The following SMPD4 variants were observed in gnomAD, a reference collection of about 807,000 sequenced individuals.
SMPD4 encodes the protein sphingomyelin phosphodiesterase 4.
SMPD4 carries 58 observed loss-of-function variants against 97.8 expected under a neutral mutation model. That is an observed-to-expected ratio of 0.59 (90% CI 0.48 to 0.74). SMPD4 has a LOEUF of 0.74. SMPD4 is among the 30% of genes least tolerant of loss of function. The probability of loss-of-function intolerance (pLI) is 0.00; values close to 1 mark genes in which losing one functional copy is unlikely to be tolerated. For synonymous variants in SMPD4, 388 were observed against 450.0 expected (o/e 0.86, Z 1.74); for missense variants, 853 against 1,080.5 (o/e 0.79, Z 2.95).
intron 1 of SMPD4, among the ~76,000 whole-genome samples, chr2:130,177,109 C>T (rs2104920418): frequency 6.6e-6 from 1 of 152,312 alleles, no homozygotes; most frequent in Middle Eastern, 3.4e-3. Context: ...GAGACAGGCT[C>T]TTGCTTGCTC....
chr2:130,166,358 A>AT (rs1687927571), intron 9 of SMPD4, among the ~76,000 whole-genome samples: 1 of 151,302 alleles, frequency 6.6e-6, no homozygotes, highest in East Asian at 1.9e-4. Context: ...GGAACAGCAG[A>AT]ACCTTCCAGT....
intron 12 of SMPD4, 72 bp from the exon 13 acceptor site, chr2:130,156,747 T>A (rs746622077): frequency 1.3e-6 from 2 of 1,568,436 alleles, no homozygotes; most frequent in Non-Finnish European, 1.7e-6. Flanking sequence ...ACCCCAGGGC[T>A]CCCATCAGTG....
intron 8 of SMPD4, among the ~76,000 whole-genome samples, chr2:130,169,405 G>A (rs1185780344): frequency 2.6e-5 from 4 of 152,068 alleles, no homozygotes; most frequent in Non-Finnish European, 5.9e-5. Context: ...TTCGCTTCTA[G>A]GAAATACACT....
rs138548006 is a variant in SMPD4 at position 130,168,209 on chromosome 2, A to C, written c.660-619T>G. 4.9e-4 allele frequency among the ~76,000 whole-genome samples: 75 copies of C among 152,260 alleles called. 1 individual carries two copies. The East Asian group carries it at 0.014, about 28-fold the overall frequency. On this transcript the variant is annotated intron_variant, in intron 8 of 19. Coordinates refer to ENST00000680298, the MANE Select transcript of SMPD4 (RefSeq NM_017951.5). The stretch of plus-strand genomic sequence containing the variant: ...GTGACAGAGCAAGACCCTGTTTCTA[A>C]AAAATTAAGAAATTCCCAGCCTGGG...
At chr2:130,164,591 C>G in intron 9 of SMPD4, 146 bp from the exon 10 acceptor site, 2 of 643,076 alleles carry the variant, frequency 3.1e-6, no homozygotes, top group Non-Finnish European at 5.4e-6. Context: ...TCCTTCACAC[C>G]ATCACCAAAA....
chr2:130,181,175 GC>G, intron 1 of SMPD4: 2 of 874,732 alleles, frequency 2.3e-6, no homozygotes, highest in Non-Finnish European at 2.9e-6. Context: ...GAAGGGTCGA[GC>G]TGGGACCCAC....
chr2:130,167,516 G>T lies in SMPD4; in HGVS notation c.734C>A (p.Thr245Lys). 1.9e-6 allele frequency: 3 copies of T among 1,613,882 alleles called. No individual in the cohort carries two copies. The highest frequency in any genetic ancestry group is 1.3e-5 in the African/African-American group (1 of 75,028). Residue 245 changes from threonine to lysine, a missense_variant, in exon 9 of 20, where the codon ACG becomes AAG. Thr to Lys is a moderately conservative substitution (Grantham distance 78). Coordinates refer to ENST00000680298, the MANE Select transcript of SMPD4 (RefSeq NM_017951.5). ...SLLKRHISHQTSVNADPASHE... is the reference protein window; with the variant it reads ...SLLKRHISHQKSVNADPASHE... Reference sequence around the variant, plus strand: ...GGAGGCGGGGTCTGCATTCACAGACGTCTGATGAGAGATGTGTCGCTTTAG... The same window carrying T: ...GGAGGCGGGGTCTGCATTCACAGACTTCTGATGAGAGATGTGTCGCTTTAG...
At chr2:130,175,094 T>C (rs1377779177) in intron 2 of SMPD4, 94 bp from the exon 3 acceptor site, 1 of 890,776 alleles carries the variant, frequency 1.1e-6, no homozygotes, top group African/African-American at 1.6e-5. Flanking sequence ...ATCCAAGCAA[T>C]AGGTTATGAG....
At chr2:130,166,004 T>A (rs1687891718) in intron 9 of SMPD4, among the ~76,000 whole-genome samples, 1 of 152,090 alleles carries the variant, frequency 6.6e-6, no homozygotes. Flanking sequence ...ATATATCTTA[T>A]AATTAAATTT....
In SMPD4 at chr2:130,172,504, G is replaced by A. The variant is rs1573720787; in HGVS notation, c.508-4C>T. On this transcript the variant is annotated splice_region_variant and splice_polypyrimidine_tract_variant and intron_variant, in intron 7 of 19. Coordinates refer to ENST00000680298, the MANE Select transcript of SMPD4 (RefSeq NM_017951.5). ...CGTGGAGGGACACAGGAAGTGGCTG[G>A]AAAACCAAGCTAGTTGTTAGCATGG... is the stretch of plus-strand genomic sequence containing the variant. 6.2e-7 allele frequency: 1 copy of A among 1,611,362 alleles called. No individual in the cohort carries two copies. The highest frequency in any genetic ancestry group is 1.1e-5 in the South Asian group (1 of 90,848).
chr2:130,172,630 G>C lies in SMPD4; in HGVS notation c.502C>G (p.Gln168Glu), dbSNP rs763637812. The C allele has an allele frequency of 1.2e-6, 2 of 1,614,162 alleles. No individual in the cohort carries two copies. Among genetic ancestry groups the C allele is most frequent in the Non-Finnish European group, 1.7e-6 (2 of 1,180,014 alleles). ...IFFFALSLITQKPLPVSLHVR... is the reference protein window; with the variant it reads ...IFFFALSLITEKPLPVSLHVR... ...AAAAGGCATCCCTTCCTTACCTTCT[G>C]AGTGATGAGGCTCAAGGCAAAGAAG... Residue 168 changes from glutamine to glutamate, a missense_variant, in exon 7 of 20, where the codon CAG becomes GAG. This residue lies in a region of SMPD4 where 313 missense variants were observed against 402.2 expected (regional missense o/e 0.78). Transcript: ENST00000680298.
intron 17 of SMPD4, 88 bp downstream of exon 17, chr2:130,153,614 T>C: frequency 1.3e-6 from 2 of 1,549,872 alleles, no homozygotes; most frequent in Non-Finnish European, 1.8e-6. Context: ...GGCCTGGGAC[T>C]GGTAGGTGGC....
chr2:130,181,428 C>G, intron 1 of SMPD4, 102 bp downstream of exon 1: 3 of 1,509,412 alleles, frequency 2.0e-6, no homozygotes, highest in Non-Finnish European at 2.7e-6. Context: ...CTGGCCGGCC[C>G]GAGTCCTGGG....
intron 17 of SMPD4, 82 bp from the exon 18 acceptor site, chr2:130,153,532 G>C (rs1686444599): frequency 6.3e-7 from 1 of 1,590,188 alleles, no homozygotes; most frequent in Non-Finnish European, 8.6e-7. Flanking sequence ...TACAACAGTG[G>C]CAACAAGGGG....
rs749911832 is a variant in SMPD4, at chr2:130,155,188, C to T, written c.1361G>A (p.Arg454His). The T allele has an allele frequency of 1.2e-5, 20 of 1,614,082 alleles. No homozygotes were observed. Among genetic ancestry groups the T allele is most frequent in the African/African-American group, 4.0e-5 (3 of 74,966 alleles). ...LFVGFLNRALRTDLVSPKHAL... is the reference protein window; with the variant it reads ...LFVGFLNRALHTDLVSPKHAL... ...GTGCTTGGGGCTGACCAGGTCTGTG[C>T]GGAGCGCGCGGTTCAGAAAGCCCAC... is the stretch of plus-strand genomic sequence containing the variant. Residue 454 changes from arginine to histidine, a missense_variant, in exon 15 of 20, where the codon CGC becomes CAC. Arg to His is a conservative substitution (Grantham distance 29). This residue lies in a region of SMPD4 where 511 missense variants were observed against 608.1 expected (regional missense o/e 0.84). Transcript: ENST00000680298.
At chr2:130,168,953 T>A (rs888669269) in intron 8 of SMPD4, among the ~76,000 whole-genome samples, 16 of 151,940 alleles carry the variant, frequency 1.1e-4, no homozygotes, top group Non-Finnish European at 2.2e-4. Flanking sequence ...ACTCCTGAGC[T>A]CCAGTGATCC....
chr2:130,178,611 G>A (rs1354857904), intron 1 of SMPD4, among the ~76,000 whole-genome samples: 2 of 152,040 alleles, frequency 1.3e-5, no homozygotes, highest in African/African-American at 2.4e-5. Context: ...TCTGGCCAAC[G>A]TGGCAAAACC....
In SMPD4 at chr2:130,181,564, G is replaced by A. The variant is rs779307479; in HGVS notation, c.-80C>T. 8 of 1,606,680 alleles carry A rather than the reference G, an allele frequency of 5.0e-6. 1 individual carries two copies. The South Asian group carries it at 7.8e-5, about 16-fold the overall frequency. On this transcript the variant is annotated 5_prime_UTR_variant, in exon 1 of 20. Coordinates refer to ENST00000680298, the MANE Select transcript of SMPD4 (RefSeq NM_017951.5). ...CCATAGCGTCGCTCGCCTCAGAGAT[G>A]GAAGCCGCCATTCCGCCACGGCGCC...
rs747949611 is a variant in SMPD4 at position 130,173,650 on chromosome 2, G to A, written c.133C>T (p.His45Tyr). 5.0e-5 allele frequency: 80 copies of A among 1,613,792 alleles called. No homozygotes were observed. Among genetic ancestry groups the A allele is most frequent in the Non-Finnish European group, 6.1e-5 (72 of 1,179,868 alleles). ...TCTACCAGCCATGGGAAGATGGTGT[G>A]CAGCTCCTGAAACAATGTGTGGTGA... ...VIEDFPAKEL[H>Y]TIFPWLVESI... The change falls in exon 4 of 20, where the codon CAC (histidine) becomes TAC (tyrosine). Residue 45 changes from histidine to tyrosine, a missense_variant. Transcript: ENST00000680298.
Sources: gnomAD v4.1 joint callset for allele counts (sites outside exome capture counted in the v4.1 genomes callset) on GRCh38, gnomAD v4.1.1 for gene constraint, gnomAD v4.1.1 regional missense constraint, MANE v1.5 for transcripts, NCBI Gene and HGNC (gene_info 2026-07-23, HGNC 2026-07-21) for gene names.